BMPR2: variants seen among roughly 807,000 people sequenced by gnomAD.
BMPR2 encodes the protein bone morphogenetic protein receptor type 2, also known as bone morphogenetic protein receptor type-2.
A neutral mutation model predicts 100.8 loss-of-function variants in BMPR2; 29 were observed. The ratio of observed to expected loss-of-function variants is 0.29; its 90% CI spans 0.21 to 0.39. The LOEUF (loss-of-function observed/expected upper bound fraction) is 0.39, where lower values mean the gene tolerates loss of function less well. Among genes scored for constraint, BMPR2 ranks in the 10% least tolerant of loss-of-function variants. BMPR2 has a pLI of 1.00. For synonymous variants in BMPR2, 382 were observed against 442.3 expected (o/e 0.86, Z 1.71); for missense variants, 1,011 against 1,274.5 (o/e 0.79, Z 3.15).
At chr2:202,529,722 CAAT>C (rs908760470) in intron 7 of BMPR2, among the ~76,000 whole-genome samples, 2 of 152,012 alleles carry the variant, frequency 1.3e-5, no homozygotes, top group African/African-American at 4.8e-5. Flanking sequence ...TTTTTTAAAT[CAAT>C]GATTATTATA....
chr2:202,467,824 C>T lies in BMPR2; in HGVS notation c.418+135C>T, dbSNP rs1030659687. The T allele has an allele frequency of 1.8e-4, 155 of 885,158 alleles. No homozygotes were observed. In the East Asian group the frequency reaches 1.9e-3, roughly 11 times the overall value. 54.8% of individuals were successfully genotyped at this position (885,158 alleles called of 1,614,324 possible). A position where few individuals can be genotyped will look rare whatever the true frequency, so the allele number is the denominator to read the frequency against. ...CTGTAATGCCAGCACTTTGGGAGGC[C>T]GAGGTGGATGGATCACCTGAGGTCA... On this transcript the variant is annotated intron_variant, in intron 3 of 12. Coordinates refer to ENST00000374580, the MANE Select transcript of BMPR2 (RefSeq NM_001204.7).
chr2:202,526,094 G>T (rs1260412233), intron 7 of BMPR2, among the ~76,000 whole-genome samples: 1 of 151,990 alleles, frequency 6.6e-6, no homozygotes, highest in Admixed American at 6.6e-5. Flanking sequence ...TTGAACTCCT[G>T]ACCTCAGGTG....
intron 7 of BMPR2, among the ~76,000 whole-genome samples, chr2:202,521,869 A>T (rs1314531222): frequency 6.6e-6 from 1 of 152,178 alleles, no homozygotes; most frequent in Non-Finnish European, 1.5e-5. Context: ...AAGAGAAAGA[A>T]CTTTGGCTGG....
Position 202,562,034 on chromosome 2 carries a change from C to G in BMPR2, c.*2088C>G, listed in dbSNP as rs1264485902. On this transcript the variant is annotated 3_prime_UTR_variant, in exon 13 of 13. Transcript: ENST00000374580. The stretch of plus-strand genomic sequence containing the variant: ...CTATTAACAAATTATTTTTATCTTT[C>G]CTAGTACATTTTCACTTAGTTCTCT... The G allele has an allele frequency of 1.3e-5, 2 of 152,026 alleles. No homozygotes were observed. The highest frequency in any genetic ancestry group is 6.6e-5 in the Admixed American group (1 of 15,262). 9.4% of individuals were successfully genotyped at this position (152,026 alleles called of 1,614,324 possible). A position where few individuals can be genotyped will look rare whatever the true frequency, so the allele number is the denominator to read the frequency against.
rs374485459 is a variant in BMPR2, at chr2:202,482,790, C to T, written c.418+15101C>T. ...TCCTGACCTTGTGATTCACCTGCCT[C>T]GGCCTCTCAAAGTGCTGGGATTACA... On this transcript the variant is annotated intron_variant, in intron 3 of 12. Transcript: ENST00000374580. Among the ~76,000 whole-genome samples the T allele has an allele frequency of 2.6e-4, 39 of 152,232 alleles. 1 individual carries two copies. The South Asian group carries it at 6.6e-3, about 26-fold the overall frequency.
intron 1 of BMPR2, among the ~76,000 whole-genome samples, chr2:202,433,744 C>T (rs377179983): frequency 6.7e-6 from 1 of 150,308 alleles, no homozygotes; most frequent in African/African-American, 2.5e-5. Flanking sequence ...CCCGTCTCTA[C>T]TAAAAATACA....
chr2:202,474,921 T>C (rs1673071276), intron 3 of BMPR2: 1 of 152,066 alleles, frequency 6.6e-6, no homozygotes. Context: ...AACCTGCTTG[T>C]TTATTTGGAA....
At chr2:202,520,035 A>T in intron 6 of BMPR2, 52 bp from the exon 7 acceptor site, 1 of 1,185,448 alleles carries the variant, frequency 8.4e-7, no homozygotes, top group Non-Finnish European at 1.2e-6. Flanking sequence ...TCTTCATGTT[A>T]AAGTGAGTTA....
At position 202,520,998 on chromosome 2, in the gene BMPR2, A is replaced by G. The variant is rs539888976; in HGVS notation, c.967+797A>G. The G allele has an allele frequency of 6.8e-4, 106 of 154,816 alleles. 1 individual carries two copies. Among genetic ancestry groups the G allele is most frequent in the African/African-American group, 2.3e-3 (96 of 41,774 alleles). 9.6% of individuals were successfully genotyped at this position (154,816 alleles called of 1,614,324 possible). On this transcript the variant is annotated intron_variant, in intron 7 of 12. Transcript: ENST00000374580. ...CCCACAGACTCCTAGTCTGAGTCCA[A>G]TAAAGACTGTTTATTCCTCATGCTT...
intron 12 of BMPR2, among the ~76,000 whole-genome samples, chr2:202,559,128 C>G (rs1204012254): frequency 6.6e-6 from 1 of 151,716 alleles, no homozygotes; most frequent in East Asian, 1.9e-4. Context: ...GGTGAAACCC[C>G]CCGTCTCTAC....
At chr2:202,428,264 C>A (rs1368009362) in intron 1 of BMPR2, among the ~76,000 whole-genome samples, 1 of 152,140 alleles carries the variant, frequency 6.6e-6, no homozygotes, top group Non-Finnish European at 1.5e-5. Context: ...TTCTCTCTCT[C>A]TACACACTGC....
chr2:202,510,303 G>A (rs569637089), intron 3 of BMPR2, among the ~76,000 whole-genome samples: 2 of 152,200 alleles, frequency 1.3e-5, no homozygotes, highest in South Asian at 2.1e-4. Context: ...CTGTAATCCC[G>A]CTACTTAGGA....
At position 202,541,856 on chromosome 2, in the gene BMPR2, A is replaced by T. The variant is rs930400201; in HGVS notation, c.1277-455A>T. Among the ~76,000 whole-genome samples, 3 of 152,220 alleles carry T rather than the reference A, an allele frequency of 2.0e-5. No individual in the cohort carries two copies. In the East Asian group the frequency reaches 5.8e-4, roughly 29 times the overall value. On this transcript the variant is annotated intron_variant, in intron 9 of 12. Transcript: ENST00000374580. ...ACTGGGCATGGTGGCTCACGCCTGTAATCCCAGCACTTTAGGAGGCCGAGG... is the reference window on the plus strand; with the variant it reads ...ACTGGGCATGGTGGCTCACGCCTGTTATCCCAGCACTTTAGGAGGCCGAGG...
Position 202,532,907 on chromosome 2 carries a change from G to A in BMPR2, c.1276+175G>A, listed in dbSNP as rs535894785. 2.6e-5 allele frequency among the ~76,000 whole-genome samples: 4 copies of A among 152,014 alleles called. No individual in the cohort carries two copies. The highest frequency in any genetic ancestry group is 1.3e-4 in the Admixed American group (2 of 15,276). On this transcript the variant is annotated intron_variant, in intron 9 of 12. Coordinates refer to ENST00000374580, the MANE Select transcript of BMPR2 (RefSeq NM_001204.7). This position sits in a 1 kb window ranked among gnomAD's most constrained non-coding sequence, Gnocchi z 4.1. The stretch of plus-strand genomic sequence containing the variant: ...TTATTAGCAGCAGGATGCAAATTAG[G>A]AATTTTTTTTTTTAGAGTACTCCAG...
At chr2:202,488,313 T>G (rs1692823243) in intron 3 of BMPR2, among the ~76,000 whole-genome samples, 1 of 152,210 alleles carries the variant, frequency 6.6e-6, no homozygotes, top group South Asian at 2.1e-4. Flanking sequence ...TTATAAAGCA[T>G]TTTATAAATA....
chr2:202,525,206 G>A (rs1687887184), intron 7 of BMPR2, among the ~76,000 whole-genome samples: 1 of 151,732 alleles, frequency 6.6e-6, no homozygotes, highest in Non-Finnish European at 1.5e-5. Context: ...CGTGAGTTTT[G>A]TTGTTGTTGT....
At chr2:202,557,863 ATAAAG>A (rs1262919324) in intron 12 of BMPR2, among the ~76,000 whole-genome samples, 1 of 152,218 alleles carries the variant, frequency 6.6e-6, no homozygotes, top group African/African-American at 2.4e-5. Context: ...AAAAGTTGAA[ATAAAG>A]TAAATACAGT....
chr2:202,486,450 G>A (rs947018555), intron 3 of BMPR2, among the ~76,000 whole-genome samples: 13 of 152,054 alleles, frequency 8.5e-5, no homozygotes, highest in African/African-American at 1.2e-4. Context: ...CCAACATGGC[G>A]AAACCCCATC....
chr2:202,457,368 T>C (rs983974517), intron 1 of BMPR2, among the ~76,000 whole-genome samples: 1 of 151,918 alleles, frequency 6.6e-6, no homozygotes, highest in Non-Finnish European at 1.5e-5. Flanking sequence ...AGCTCATTTA[T>C]CATGAACATG....
Sources: gnomAD v4.1 joint callset for allele counts (sites outside exome capture counted in the v4.1 genomes callset) on GRCh38, gnomAD v4.1.1 for gene constraint, Gnocchi (gnomAD v3.1) non-coding constraint, MANE v1.5 for transcripts, NCBI Gene and HGNC (gene_info 2026-07-23, HGNC 2026-07-21) for gene names.